Variants in CCDC30 observed in about 807,000 individuals in gnomAD.
The protein encoded by CCDC30 is coiled-coil domain containing 30.
In CCDC30, 70 loss-of-function variants were observed where a neutral mutation model predicts 100.2. The ratio of observed to expected loss-of-function variants is 0.70; its 90% CI spans 0.58 to 0.85. The LOEUF (loss-of-function observed/expected upper bound fraction) is 0.85, where lower values mean the gene tolerates loss of function less well. CCDC30 is among the 40% of genes least tolerant of loss of function. The pLI is 0.00. For synonymous variants in CCDC30, 233 were observed against 269.5 expected, an observed-to-expected ratio of 0.86 and a Z score of 1.33; for missense variants, 652 against 771.2, an observed-to-expected ratio of 0.85 and a Z score of 1.83.
chr1:42,554,556 C>T (rs201216252), intron 6 of CCDC30, among the ~76,000 whole-genome samples: 3 of 113,898 alleles, frequency 2.6e-5, no homozygotes, highest in Non-Finnish European at 4.2e-5. Context: ...GGATTACAGA[C>T]GTGAGCCACC....
Position 42,482,645 on chromosome 1 carries a change from A to G in CCDC30, c.16-18A>G, listed in dbSNP as rs897283576. The G allele has an allele frequency of 8.2e-6, 10 of 1,226,560 alleles. No individual in the cohort carries two copies. In the Admixed American group the frequency reaches 3.0e-4, roughly 36 times the overall value. 76.0% of individuals were successfully genotyped at this position (1,226,560 alleles called of 1,614,324 possible). A position where few individuals can be genotyped will look rare whatever the true frequency, so the allele number is the denominator to read the frequency against. On this transcript the variant is annotated intron_variant, in intron 2 of 16. Coordinates refer to ENST00000668663, the Ensembl canonical transcript of CCDC30. ...ACATTTGCTCTTTGTTTTATTACTA[A>G]TAGAAGTTTTATTTCAGTATCATAA...
intron 6 of CCDC30, among the ~76,000 whole-genome samples, chr1:42,546,268 C>T (rs6698394): frequency 0.034 from 5,065 of 150,014 alleles, 142 homozygotes; most frequent in African/African-American, 0.074. Context: ...GACTGTAATC[C>T]CAGCTACTCG....
rs763224185 is a variant in CCDC30, at chr1:42,545,429, A to C, written c.457-20867A>C. ...TTGCAGGTCTTGAAGCTTTCACAAG[A>C]ATTTGCACAATTAAATCATTTTACT... is the stretch of plus-strand genomic sequence containing the variant. On this transcript the variant is annotated intron_variant, in intron 6 of 16. Coordinates refer to ENST00000668663, the Ensembl canonical transcript of CCDC30. 7 of 1,581,210 alleles carry C rather than the reference A, an allele frequency of 4.4e-6. No homozygotes were observed. The African/African-American group carries it at 9.7e-5, about 22-fold the overall frequency.
At chr1:42,631,977 G>T (rs1385783532) in intron 11 of CCDC30, among the ~76,000 whole-genome samples, 1 of 152,098 alleles carries the variant, frequency 6.6e-6, no homozygotes, top group Non-Finnish European at 1.5e-5. Flanking sequence ...ACCCTACTGT[G>T]GCAAAGCTGA....
chr1:42,525,238 T>G (rs912501532), intron 6 of CCDC30, among the ~76,000 whole-genome samples: 4 of 152,190 alleles, frequency 2.6e-5, no homozygotes, highest in Non-Finnish European at 5.9e-5. Context: ...TTCTTCAAAA[T>G]TTTTTGTATT....
intron 2 of CCDC30, among the ~76,000 whole-genome samples, chr1:42,481,123 A>C (rs1569747893): frequency 6.6e-6 from 1 of 151,930 alleles, no homozygotes; most frequent in Non-Finnish European, 1.5e-5. Context: ...AAAAAAAAAA[A>C]AAGAGTCATG....
At chr1:42,511,074 A>G (rs1336901079) in intron 6 of CCDC30, among the ~76,000 whole-genome samples, 5 of 152,054 alleles carry the variant, frequency 3.3e-5, no homozygotes, top group South Asian at 2.1e-4. Context: ...CTTTAATCCT[A>G]TTCCTTTCAG....
At chr1:42,563,191 C>T (rs1324577040) in intron 6 of CCDC30, among the ~76,000 whole-genome samples, 1 of 152,158 alleles carries the variant, frequency 6.6e-6, no homozygotes, top group African/African-American at 2.4e-5. Context: ...ATAGCAAAGA[C>T]ATGGAACCAA....
At chr1:42,502,228 G>A (rs1253487948) in intron 6 of CCDC30, among the ~76,000 whole-genome samples, 2 of 150,668 alleles carry the variant, frequency 1.3e-5, no homozygotes, top group African/African-American at 2.5e-5. Flanking sequence ...CAGTGAGCAA[G>A]GCTCCATGGG....
rs117967942 is a variant in CCDC30 at position 42,608,002 on chromosome 1, T to A, written c.1165-2976T>A. 5.1e-4 allele frequency among the ~76,000 whole-genome samples: 77 copies of A among 152,304 alleles called. 1 individual carries two copies. The East Asian group carries it at 0.014, about 27-fold the overall frequency. On this transcript the variant is annotated intron_variant, in intron 10 of 16. Coordinates refer to ENST00000668663, the Ensembl canonical transcript of CCDC30. ...GGTCTACTTGCCCCCAAACACCATG[T>A]CTGTAATCCAGCCTCTAGACCAGGG...
At chr1:42,571,160 C>A (rs1645725491) in intron 7 of CCDC30, 1 of 152,128 alleles carries the variant, frequency 6.6e-6, no homozygotes, top group Non-Finnish European at 1.5e-5. Context: ...CCTTTCTTGG[C>A]CTGTGGAGTA....
chr1:42,649,035 A>G (rs1231296353), intron 15 of CCDC30, among the ~76,000 whole-genome samples: 1 of 152,208 alleles, frequency 6.6e-6, no homozygotes, highest in African/African-American at 2.4e-5. Context: ...ATAATGAATC[A>G]TATGATCAAA....
intron 6 of CCDC30, among the ~76,000 whole-genome samples, chr1:42,548,264 G>A (rs1645183684): frequency 6.6e-6 from 1 of 152,202 alleles, no homozygotes; most frequent in South Asian, 2.1e-4. Context: ...ACAGGCTAGA[G>A]AAGCTGAATT....
At chr1:42,615,447 G>A (rs902382541) in intron 11 of CCDC30, among the ~76,000 whole-genome samples, 17 of 152,058 alleles carry the variant, frequency 1.1e-4, no homozygotes, top group African/African-American at 2.9e-4. Context: ...ACAGGCGCAC[G>A]CCACTACTGC....
intron 6 of CCDC30, among the ~76,000 whole-genome samples, chr1:42,517,819 C>T (rs567961729): frequency 2.4e-4 from 37 of 152,134 alleles, no homozygotes; most frequent in Non-Finnish European, 5.4e-4. Context: ...TATTGTATTC[C>T]CTTGGTCTAT....
intron 2 of CCDC30, 99 bp from the exon 3 acceptor site, chr1:42,482,564 T>C: frequency 3.1e-6 from 2 of 636,106 alleles, no homozygotes; most frequent in Non-Finnish European, 4.5e-6. Context: ...TAGATATTGT[T>C]TGCTAATTTA....
intron 10 of CCDC30, among the ~76,000 whole-genome samples, chr1:42,599,177 A>G (rs933863749): frequency 6.6e-6 from 1 of 152,236 alleles, no homozygotes; most frequent in Non-Finnish European, 1.5e-5. Context: ...TGTGTCATAT[A>G]TAACTGTGTA....
intron 7 of CCDC30, among the ~76,000 whole-genome samples, chr1:42,572,003 G>A (rs1645743095): frequency 6.6e-6 from 1 of 152,162 alleles, no homozygotes; most frequent in South Asian, 2.1e-4. Flanking sequence ...AAAGAGTGCT[G>A]CAATGAACAC....
chr1:42,584,551 C>T (rs1361401504), intron 9 of CCDC30, among the ~76,000 whole-genome samples: 1 of 152,126 alleles, frequency 6.6e-6, no homozygotes, highest in African/African-American at 2.4e-5. Flanking sequence ...CAAGATGGCG[C>T]CACTGCACTC....
Sources: allele counts gnomAD v4.1 joint callset (sites outside exome capture counted in the v4.1 genomes callset), GRCh38; gene constraint gnomAD v4.1.1; transcripts MANE v1.5; gene names NCBI Gene and HGNC (gene_info 2026-07-23, HGNC 2026-07-21).